Variants in PLIN5 observed in about 807,000 individuals in gnomAD.
PLIN5 encodes the protein perilipin 5.
Under a neutral mutation model 32.8 loss-of-function variants are expected in PLIN5, and 34 were observed. That is an observed-to-expected ratio of 1.04 (90% CI 0.79 to 1.38). The LOEUF (loss-of-function observed/expected upper bound fraction) is 1.38. Ranked by LOEUF, PLIN5 falls within the 40% of genes most tolerant of loss-of-function variation. The probability of loss-of-function intolerance (pLI) is 0.00; values close to 1 mark genes in which losing one functional copy is unlikely to be tolerated. For missense variants in PLIN5, 712 were observed against 660.5 expected (o/e 1.08, Z -0.85); for synonymous variants, 309 against 292.9 (o/e 1.05, Z -0.56).
chr19:4,530,022 G>C (rs1431120231), intron 3 of PLIN5, among the ~76,000 whole-genome samples, 156 bp from the exon 4 acceptor site: 1 of 151,150 alleles, frequency 6.6e-6, no homozygotes, highest in Admixed American at 6.6e-5. Flanking sequence ...CGGAATGATG[G>C]AGACGAGACC....
intron 4 of PLIN5, 197 bp from the exon 5 acceptor site, chr19:4,529,450 A>C: frequency 1.7e-6 from 1 of 593,990 alleles, no homozygotes; most frequent in Non-Finnish European, 2.9e-6. Context: ...TACTAGCAAT[A>C]CATATGTATA....
At chr19:4,531,513 T>TAGGCTGA in intron 3 of PLIN5, 114 bp downstream of exon 3, 1 of 1,096,536 alleles carries the variant, frequency 9.1e-7, no homozygotes, top group African/African-American at 1.6e-5. Flanking sequence ...GACAGGTGGC[T>TAGGCTGA]AGGCTGAAGA....
At position 4,523,255 on chromosome 19, in the gene PLIN5, G is replaced by T. The variant is rs1976752932; in HGVS notation, c.*273C>A. ...GAAAGATTTGGATTCGCTTCATGGA[G>T]CCAGGGAGCAGGACATAGGTGAAGA... On this transcript the variant is annotated 3_prime_UTR_variant, in exon 8 of 8. Coordinates refer to ENST00000381848, the MANE Select transcript of PLIN5 (RefSeq NM_001013706.3). This position sits in a 1 kb window ranked among gnomAD's most constrained non-coding sequence, Gnocchi z 5.0. The T allele has an allele frequency of 2.7e-6, 1 of 374,626 alleles. No individual in the cohort carries two copies. Among genetic ancestry groups the T allele is most frequent in the African/African-American group, 2.1e-5 (1 of 47,868 alleles). The allele number at this position is 374,626 out of a possible 1,614,324, so 23.2% of individuals were successfully genotyped here. A position where few individuals can be genotyped will look rare whatever the true frequency, so the allele number is the denominator to read the frequency against.
intron 1 of PLIN5, 56 bp from the exon 2 acceptor site, chr19:4,534,151 A>G: frequency 6.7e-7 from 1 of 1,489,756 alleles, no homozygotes; most frequent in Middle Eastern, 2.2e-4. Flanking sequence ...ATCCTGTCAA[A>G]TTGGGCTCTG....
At chr19:4,530,817 C>T (rs1008649391) in intron 3 of PLIN5, among the ~76,000 whole-genome samples, 12 of 151,782 alleles carry the variant, frequency 7.9e-5, no homozygotes, top group Admixed American at 2.0e-4. Context: ...GGATTACAGG[C>T]GCCCTCCACC....
intron 4 of PLIN5, 134 bp from the exon 5 acceptor site, chr19:4,529,387 A>C: frequency 3.1e-6 from 3 of 971,654 alleles, no homozygotes; most frequent in Non-Finnish European, 4.5e-6. Context: ...CCCCTATAAA[A>C]TGGGTGATAA....
At position 4,534,003 on chromosome 19, in the gene PLIN5, G is replaced by A. The variant is rs772520074; in HGVS notation, c.60+12C>T. ...CCTTCTGTCCCTGCTCCATGGGAGG[G>A]GCAGCCCTCACCTGCTGGTCCTGCT... On this transcript the variant is annotated intron_variant, in intron 2 of 7. Transcript: ENST00000381848. 3.1e-6 allele frequency: 5 copies of A among 1,611,362 alleles called. No individual in the cohort carries two copies. In the East Asian group the frequency reaches 1.1e-4, roughly 36 times the overall value.
At position 4,531,713 on chromosome 19, in the gene PLIN5, C is replaced by A; in HGVS notation, c.170G>T (p.Cys57Phe). ...KDRHPLLGSA[C>F]RLAENCVCGL... ...GCACACGCAGTTCTCAGCCAGGCGG[C>A]AGGCGGAGCCCAGCAGCGGGTGCCT... The change falls in exon 3 of 8, where the codon TGC becomes TTC. Residue 57 changes from cysteine to phenylalanine, a missense_variant. Cys to Phe is a radical substitution (Grantham distance 205). Coordinates refer to ENST00000381848, the MANE Select transcript of PLIN5 (RefSeq NM_001013706.3). 6.3e-7 allele frequency: 1 copy of A among 1,584,370 alleles called. No individual in the cohort carries two copies. Among genetic ancestry groups the A allele is most frequent in the East Asian group, 2.3e-5 (1 of 43,214 alleles).
rs769514286 is a variant in PLIN5, at chr19:4,523,545, G to C, written c.1375C>G (p.Pro459Ala). The change falls in exon 8 of 8, where the codon CCC becomes GCC. Residue 459 changes from proline (P) to alanine (A), a missense_variant. Pro to Ala is a conservative substitution (Grantham distance 27). Coordinates refer to ENST00000381848, the MANE Select transcript of PLIN5 (RefSeq NM_001013706.3). This position sits in a 1 kb window ranked among gnomAD's most constrained non-coding sequence, Gnocchi z 5.0. Reference protein sequence around the residue: ...PSCPVKHTLMPELDF With the variant: ...PSCPVKHTLMAELDF ...CCCATGGGTCAGAAGTCCAGCTCGG[G>C]CATCAGGGTGTGCTTGACCGGGCAG... 6.4e-7 allele frequency: 1 copy of C among 1,571,816 alleles called. No homozygotes were observed. The highest frequency in any genetic ancestry group is 1.2e-5 in the South Asian group (1 of 84,206).
intron 3 of PLIN5, among the ~76,000 whole-genome samples, chr19:4,531,258 C>G (rs1461852521): frequency 3.4e-5 from 5 of 148,434 alleles, no homozygotes; most frequent in African/African-American, 1.3e-4. Context: ...CTCAGCCTCA[C>G]GAAGTGCTGG....
chr19:4,525,974 G>GGATA lies in PLIN5; in HGVS notation c.521-143_521-142insTATC. 1 of 838,248 alleles carries GGATA rather than the reference G, an allele frequency of 1.2e-6. No individual in the cohort carries two copies. The allele number at this position is 838,248 out of a possible 1,614,324, so 51.9% of individuals were successfully genotyped here. The stretch of plus-strand genomic sequence containing the variant: ...ACAGCACGGGGACAGCATGGGGTCA[G>GGATA]CACAGCCACCCACCCCCTCCACATC... On this transcript the variant is annotated intron_variant, in intron 5 of 7. Coordinates refer to ENST00000381848, the MANE Select transcript of PLIN5 (RefSeq NM_001013706.3). The surrounding 1 kb of genome is among the most constrained non-coding windows in gnomAD (Gnocchi z 5.6).
At chr19:4,527,048 G>C (rs1016090818) in intron 5 of PLIN5, among the ~76,000 whole-genome samples, 1 of 151,770 alleles carries the variant, frequency 6.6e-6, no homozygotes, top group African/African-American at 2.4e-5. Flanking sequence ...ACCAGCCTGG[G>C]TGACAGAACA....
chr19:4,524,913 C>T, intron 7 of PLIN5, 50 bp downstream of exon 7: 2 of 1,473,354 alleles, frequency 1.4e-6, no homozygotes, highest in Non-Finnish European at 1.8e-6. Context: ...CCCTCTTCCT[C>T]CGCGGCCTGG....
At chr19:4,524,915 G>A (rs1412850379) in intron 7 of PLIN5, 48 bp downstream of exon 7, 5 of 1,472,572 alleles carry the variant, frequency 3.4e-6, no homozygotes, top group Admixed American at 2.3e-5. Context: ...CTCTTCCTCC[G>A]CGGCCTGGTG....
intron 1 of PLIN5, among the ~76,000 whole-genome samples, chr19:4,534,947 C>G (rs537722603): frequency 6.6e-6 from 1 of 152,228 alleles, no homozygotes; most frequent in Admixed American, 6.5e-5. Context: ...TCAGACCTGC[C>G]GCCTGCGATC....
At chr19:4,524,658 G>A (rs1976776624) in intron 7 of PLIN5, among the ~76,000 whole-genome samples, 1 of 152,018 alleles carries the variant, frequency 6.6e-6, no homozygotes, top group Non-Finnish European at 1.5e-5. Context: ...GGGAAGCCAG[G>A]GACTACTGCT....
At chr19:4,531,981 T>C (rs1396612400) in intron 2 of PLIN5, among the ~76,000 whole-genome samples, 159 bp from the exon 3 acceptor site, 1 of 152,248 alleles carries the variant, frequency 6.6e-6, no homozygotes, top group Non-Finnish European at 1.5e-5. Context: ...TAAACGTGGA[T>C]GTGAGAATGT....
rs762370042 is a variant in PLIN5, at chr19:4,523,936, G to A, written c.984C>T (p.Thr328=). The part of the protein sequence containing the change: ...EVRRSVDALQ[T]AFADARCFRD... ...TGAAGCAGCGGGCATCAGCGAAGGC[G>A]GTCTGCAGGGCATCCACACTGCGCC... Residue 328 remains threonine (T), a synonymous_variant, in exon 8 of 8, where the codon ACC becomes ACT. Transcript: ENST00000381848. The surrounding 1 kb of genome is among the most constrained non-coding windows in gnomAD (Gnocchi z 5.0). 56 of 1,529,202 alleles carry A rather than the reference G, an allele frequency of 3.7e-5. No homozygotes were observed. Among genetic ancestry groups the A allele is most frequent in the Middle Eastern group, 1.7e-4 (1 of 5,794 alleles). 94.7% of individuals were successfully genotyped at this position (1,529,202 alleles called of 1,614,324 possible).
At chr19:4,524,879 G>T (rs1212298464) in intron 7 of PLIN5, 84 bp downstream of exon 7, 3 of 1,229,460 alleles carry the variant, frequency 2.4e-6, no homozygotes, top group African/African-American at 1.6e-5. Flanking sequence ...GGCAGTACTG[G>T]GCTGACCCGC....
Sources: allele counts gnomAD v4.1 joint callset (sites outside exome capture counted in the v4.1 genomes callset), GRCh38; gene constraint gnomAD v4.1.1; non-coding constraint Gnocchi (gnomAD v3.1); transcripts MANE v1.5; gene names NCBI Gene and HGNC (gene_info 2026-07-23, HGNC 2026-07-21).